DPH6: variants seen among roughly 807,000 people sequenced by gnomAD.
DPH6 encodes diphthamine biosynthesis 6, also known as diphthine--ammonia ligase.
Under a neutral mutation model 38.2 loss-of-function variants are expected in DPH6, and 33 were observed. The observed-to-expected ratio is 0.86, with a 90% CI of 0.65 to 1.15. DPH6 has a LOEUF of 1.15. DPH6 is among the 50% of genes most tolerant of loss of function. The probability of loss-of-function intolerance (pLI) is 0.00; values close to 1 mark genes in which losing one functional copy is unlikely to be tolerated. For synonymous variants in DPH6, 108 were observed against 103.0 expected, an observed-to-expected ratio of 1.05 and a Z score of -0.30; for missense variants, 325 against 320.0, an observed-to-expected ratio of 1.02 and a Z score of -0.12.
rs1464758672 is a variant in DPH6 at position 35,546,094 on chromosome 15, G to T, written c.23+25C>A. 3.6e-6 allele frequency: 5 copies of T among 1,384,138 alleles called. No homozygotes were observed. In the East Asian group the frequency reaches 1.5e-4, roughly 42 times the overall value. 85.7% of individuals were successfully genotyped at this position (1,384,138 alleles called of 1,614,324 possible). A position where few individuals can be genotyped will look rare whatever the true frequency, so the allele number is the denominator to read the frequency against. On this transcript the variant is annotated intron_variant, in intron 1 of 8. Transcript: ENST00000256538. ...GGACGAGAGCCTGGCCTAGGAGGAA[G>T]GAGGCGGCTCCAGGACCGCATTACC...
the DPH6 span, among the ~76,000 whole-genome samples, chr15:35,176,375 T>A: frequency 2.0e-5 from 3 of 152,196 alleles, no homozygotes; most frequent in Non-Finnish European, 4.4e-5. Context: ...AAAAGGGGCA[T>A]CCAAGAGGTT....
At chr15:35,524,993 C>T (rs1347090926) in intron 3 of DPH6, among the ~76,000 whole-genome samples, 3 of 152,022 alleles carry the variant, frequency 2.0e-5, no homozygotes, top group Non-Finnish European at 4.4e-5. Context: ...AGGAAATACA[C>T]AACAAAAAAA....
chr15:35,251,088 T>C (rs1470436652), intron 3 of DPH6, among the ~76,000 whole-genome samples: 4 of 152,244 alleles, frequency 2.6e-5, no homozygotes, highest in African/African-American at 9.6e-5. Context: ...AAAAATGCAG[T>C]GTCTCTATTT....
At chr15:35,261,826 C>CG in intron 3 of DPH6, among the ~76,000 whole-genome samples, 1 of 104,098 alleles carries the variant, frequency 9.6e-6, no homozygotes, top group South Asian at 3.1e-4. Flanking sequence ...GAGCAAGACC[C>CG]TCTCTTAAAA....
chr15:35,423,719 A>T (rs967702450), intron 5 of DPH6, among the ~76,000 whole-genome samples: 1 of 151,594 alleles, frequency 6.6e-6, no homozygotes, highest in African/African-American at 2.4e-5. Context: ...ATATGGTGTG[A>T]GATAAGGGTT....
In DPH6 at chr15:35,467,048, T is replaced by TA. The variant is rs375547447; in HGVS notation, c.313-12229dup. The stretch of plus-strand genomic sequence containing the variant: ...GTATGTTTTAGCTGCACTAAATTTA[T>TA]AAAAAAAAAATCTTCCTTAAATAAT... On this transcript the variant is annotated intron_variant, in intron 3 of 8. Transcript: ENST00000256538. 9.9e-3 allele frequency among the ~76,000 whole-genome samples: 1,476 copies of TA among 149,782 alleles called. 23 individuals are homozygous for TA. The highest frequency in any genetic ancestry group is 0.032 in the African/African-American group (1,312 of 41,002).
At chr15:35,491,172 T>TAC (rs927913995) in intron 3 of DPH6, among the ~76,000 whole-genome samples, 15 of 151,772 alleles carry the variant, frequency 9.9e-5, no homozygotes, top group African/African-American at 2.7e-4. Flanking sequence ...TAAAGAGAAA[T>TAC]ACACACACAC....
intron 5 of DPH6, among the ~76,000 whole-genome samples, chr15:35,444,108 GTTT>G (rs1172627743): frequency 1.3e-5 from 2 of 152,168 alleles, no homozygotes; most frequent in Non-Finnish European, 1.5e-5. Flanking sequence ...ACCATTCTCT[GTTT>G]CTTCCCAACA....
chr15:35,280,163 T>A (rs1205528493), intron 3 of DPH6, among the ~76,000 whole-genome samples: 2 of 152,242 alleles, frequency 1.3e-5, no homozygotes, highest in Non-Finnish European at 2.9e-5. Flanking sequence ...TACAATAACA[T>A]AAATCTTTCC....
At chr15:35,448,047 T>A (rs560898520) in intron 5 of DPH6, among the ~76,000 whole-genome samples, 2 of 152,296 alleles carry the variant, frequency 1.3e-5, no homozygotes, top group Non-Finnish European at 2.9e-5. Flanking sequence ...ACAGGAGGTT[T>A]TCCAGTAATA....
Position 35,266,960 on chromosome 15 carries a change from T to C in DPH6, n.201-46378A>G, listed in dbSNP as rs187502979. 1.1e-3 allele frequency among the ~76,000 whole-genome samples: 170 copies of C among 152,200 alleles called. 1 individual carries two copies. Among genetic ancestry groups the C allele is most frequent in the African/African-American group, 3.9e-3 (164 of 41,536 alleles). On this transcript the variant is annotated intron_variant and non_coding_transcript_variant, in intron 3 of 3. Coordinates refer to the DPH6 transcript ENST00000560386. ...AGTGCAAAACTGAGTAAAATAATAA[T>C]AAAATTCATAGAAATTTGGAGGCAT... is the stretch of plus-strand genomic sequence containing the variant.
intron 3 of DPH6, among the ~76,000 whole-genome samples, chr15:35,318,398 T>C (rs1456032630): frequency 1.3e-5 from 2 of 152,128 alleles, no homozygotes; most frequent in African/African-American, 4.8e-5. Flanking sequence ...CTCTCTCAGT[T>C]ACTGATAAAG....
chr15:35,430,157 G>T (rs980403992), intron 5 of DPH6, among the ~76,000 whole-genome samples: 1 of 152,008 alleles, frequency 6.6e-6, no homozygotes, highest in Non-Finnish European at 1.5e-5. Context: ...GAATGAAGGG[G>T]AAAAAGGACA....
intron 3 of DPH6, chr15:35,237,374 T>G (rs2051560847): frequency 6.2e-7 from 1 of 1,602,082 alleles, no homozygotes; most frequent in Non-Finnish European, 8.5e-7. Flanking sequence ...CAGGACGCCC[T>G]CTGATGTGAA....
chr15:35,361,006 TAA>T (rs2052609571), intron 3 of DPH6, among the ~76,000 whole-genome samples: 1 of 152,198 alleles, frequency 6.6e-6, no homozygotes. Flanking sequence ...CAGCCGGGAC[TAA>T]GTTTGTTGGC....
chr15:35,540,393 G>C (rs780819452), intron 2 of DPH6, among the ~76,000 whole-genome samples: 2 of 152,016 alleles, frequency 1.3e-5, no homozygotes, highest in Non-Finnish European at 1.5e-5. Context: ...TTGAAAACCC[G>C]TAACTTTGCT....
chr15:35,176,535 G>C, the DPH6 span, among the ~76,000 whole-genome samples: 1 of 151,152 alleles, frequency 6.6e-6, no homozygotes, highest in Non-Finnish European at 1.5e-5. Flanking sequence ...GCAATGGCGT[G>C]ATCTCAGCTC....
chr15:35,155,534 C>G, the DPH6 span, among the ~76,000 whole-genome samples: 2 of 152,200 alleles, frequency 1.3e-5, no homozygotes, highest in Admixed American at 1.3e-4. Flanking sequence ...TCAGACTGCC[C>G]TGGTCCATGA....
intron 3 of DPH6, among the ~76,000 whole-genome samples, chr15:35,355,145 T>G (rs2140897992): frequency 6.6e-6 from 1 of 152,314 alleles, no homozygotes; most frequent in South Asian, 2.1e-4. Flanking sequence ...TTGGGAGATC[T>G]TCCTCCATCC....
Sources: allele counts gnomAD v4.1 joint callset (sites outside exome capture counted in the v4.1 genomes callset), GRCh38; gene constraint gnomAD v4.1.1; transcripts MANE v1.5; gene names NCBI Gene and HGNC (gene_info 2026-07-23, HGNC 2026-07-21).